The following TCERG1L variants were observed in gnomAD, a reference collection of about 807,000 sequenced individuals.
The protein encoded by TCERG1L is transcription elongation regulator 1 like, also known as transcription elongation regulator 1-like protein.
In TCERG1L, 37 loss-of-function variants were observed where a neutral mutation model predicts 56.3. The ratio of observed to expected loss-of-function variants is 0.66; its 90% CI spans 0.51 to 0.87. The LOEUF is 0.87. Ranked by LOEUF, TCERG1L falls within the 40% of genes least tolerant of loss-of-function variation. The pLI is 0.00. For synonymous variants in TCERG1L, 324 were observed against 326.3 expected, an observed-to-expected ratio of 0.99 and a Z score of 0.08; for missense variants, 799 against 774.2, an observed-to-expected ratio of 1.03 and a Z score of -0.38.
chr10:131,280,705 G>GCA (rs59263854), intron 3 of TCERG1L, among the ~76,000 whole-genome samples: 9,357 of 150,596 alleles, frequency 0.062, 376 homozygotes, highest in African/African-American at 0.087. Flanking sequence ...CCTAAGATGT[G>GCA]CACACACACA....
chr10:131,147,316 G>GA lies in TCERG1L; in HGVS notation c.1035-657dup, dbSNP rs1046032236. 3.3e-4 allele frequency among the ~76,000 whole-genome samples: 50 copies of GA among 150,022 alleles called. 1 individual carries two copies. Among genetic ancestry groups the GA allele is most frequent in the South Asian group, 2.5e-3 (12 of 4,760 alleles). ...AAAAGTTATCAGAAAAGATTAAAAA[G>GA]AAAAAAAAATGAAGAGAAGAAAATT... On this transcript the variant is annotated intron_variant, in intron 6 of 11. Transcript: ENST00000368642.
intron 11 of TCERG1L, among the ~76,000 whole-genome samples, chr10:131,094,561 T>A (rs138427366): frequency 2.1e-4 from 32 of 152,344 alleles, no homozygotes; most frequent in Admixed American, 4.6e-4. Flanking sequence ...GCCGTTTTCC[T>A]GCTCTCCGTC....
chr10:131,276,333 A>G (rs1846393110), intron 3 of TCERG1L, among the ~76,000 whole-genome samples: 1 of 152,230 alleles, frequency 6.6e-6, no homozygotes, highest in Non-Finnish European at 1.5e-5. Flanking sequence ...CCCAACCAGC[A>G]GCCCAAGGCT....
At chr10:131,154,510 A>C (rs1845899070) in intron 6 of TCERG1L, among the ~76,000 whole-genome samples, 1 of 152,188 alleles carries the variant, frequency 6.6e-6, no homozygotes, top group Non-Finnish European at 1.5e-5. Flanking sequence ...CTGAGCTCTC[A>C]GAATGAAAGG....
chr10:131,108,324 G>A (rs1003646994), intron 9 of TCERG1L, among the ~76,000 whole-genome samples: 18 of 152,174 alleles, frequency 1.2e-4, no homozygotes, highest in Admixed American at 4.6e-4. Flanking sequence ...GGGATTCCTC[G>A]GTTACAGCGA....
In TCERG1L at chr10:131,308,200, TG is replaced by T. The variant is rs1589779871; in HGVS notation, c.670+10del. 2 of 1,592,382 alleles carry T rather than the reference TG, an allele frequency of 1.3e-6. No homozygotes were observed. ...TGAAACAGACATTGTCAATGTTATT[TG>T]GGCACCAACCTGGGATGGGCTGAGG... is the stretch of plus-strand genomic sequence containing the variant. On this transcript the variant is annotated intron_variant, in intron 3 of 11. Transcript: ENST00000368642.
intron 5 of TCERG1L, among the ~76,000 whole-genome samples, chr10:131,165,297 G>C (rs1032499751): frequency 2.0e-5 from 3 of 152,188 alleles, no homozygotes; most frequent in Non-Finnish European, 2.9e-5. Context: ...CAGCGTGAGG[G>C]TGAACCTGGG....
chr10:131,225,073 G>A (rs1480893596), intron 4 of TCERG1L, among the ~76,000 whole-genome samples: 6 of 152,242 alleles, frequency 3.9e-5, no homozygotes, highest in Middle Eastern at 3.4e-3. Context: ...GTCTCGTTTT[G>A]CAGATGGGAA....
intron 4 of TCERG1L, among the ~76,000 whole-genome samples, chr10:131,168,270 C>A (rs1377429596): frequency 6.6e-6 from 1 of 152,244 alleles, no homozygotes; most frequent in African/African-American, 2.4e-5. Flanking sequence ...GGGGGTCCCA[C>A]TGGCACACCC....
chr10:131,184,052 C>G (rs1845210730), intron 4 of TCERG1L, among the ~76,000 whole-genome samples: 1 of 152,230 alleles, frequency 6.6e-6, no homozygotes, highest in African/African-American at 2.4e-5. Flanking sequence ...GTGTCTCCAC[C>G]TGGAAGTGTC....
chr10:131,175,894 G>T (rs911630208), intron 4 of TCERG1L, among the ~76,000 whole-genome samples: 5 of 152,140 alleles, frequency 3.3e-5, no homozygotes, highest in African/African-American at 1.2e-4. Flanking sequence ...GGGGAGGAAG[G>T]CAGTAGAGAT....
At chr10:131,293,823 T>C (rs1425972847) in intron 3 of TCERG1L, among the ~76,000 whole-genome samples, 1 of 152,236 alleles carries the variant, frequency 6.6e-6, no homozygotes. Flanking sequence ...ATAGAAGCAC[T>C]TCAGGTTGGG....
intron 4 of TCERG1L, among the ~76,000 whole-genome samples, chr10:131,186,072 C>T (rs1324856862): frequency 1.3e-5 from 2 of 152,120 alleles, no homozygotes; most frequent in African/African-American, 2.4e-5. Context: ...AGATGAACCC[C>T]GAAGACATTA....
chr10:131,249,744 C>T (rs1052652608), intron 4 of TCERG1L, among the ~76,000 whole-genome samples: 1 of 152,132 alleles, frequency 6.6e-6, no homozygotes, highest in Non-Finnish European at 1.5e-5. Context: ...TCCATGGGTA[C>T]GACGGCCACA....
chr10:131,242,330 A>G (rs183377079), intron 4 of TCERG1L, among the ~76,000 whole-genome samples: 89 of 152,308 alleles, frequency 5.8e-4, no homozygotes, highest in African/African-American at 2.1e-3. Context: ...AGAAAAGTAC[A>G]GTGAAGAATG....
chr10:131,112,909 T>A (rs1845424994), intron 9 of TCERG1L, among the ~76,000 whole-genome samples: 1 of 141,756 alleles, frequency 7.1e-6, no homozygotes. Flanking sequence ...CGGTTGAGGG[T>A]CGCCCTTGGG....
intron 4 of TCERG1L, among the ~76,000 whole-genome samples, chr10:131,256,992 G>GGAA (rs1846173015): frequency 8.5e-5 from 5 of 59,170 alleles, no homozygotes; most frequent in African/African-American, 2.8e-4. Flanking sequence ...AAGGAAGGAA[G>GGAA]GAAAGAAAGA....
At chr10:131,309,131 AT>A in intron 2 of TCERG1L, 21 bp downstream of exon 2, 1 of 1,604,528 alleles carries the variant, frequency 6.2e-7, no homozygotes, top group Non-Finnish European at 8.5e-7. Context: ...CCCTTATCCA[AT>A]TAAATCACTT....
intron 3 of TCERG1L, among the ~76,000 whole-genome samples, chr10:131,261,158 C>T (rs185356240): frequency 2.6e-4 from 40 of 152,348 alleles, no homozygotes; most frequent in African/African-American, 9.4e-4. Context: ...TCTTTTCTGA[C>T]ATCAATGGAC....
Sources: allele counts gnomAD v4.1 joint callset (sites outside exome capture counted in the v4.1 genomes callset), GRCh38; gene constraint gnomAD v4.1.1; transcripts MANE v1.5; gene names NCBI Gene and HGNC (gene_info 2026-07-23, HGNC 2026-07-21).